ZNF331: variants seen among roughly 807,000 people sequenced by gnomAD.
The protein encoded by ZNF331 is C2H2-like zinc finger protein rearranged in thyroid adenomas.
Under a neutral mutation model 7.0 loss-of-function variants are expected in ZNF331, and 2 were observed. The ratio of observed to expected loss-of-function variants is 0.29; its 90% CI spans 0.12 to 0.90. The LOEUF (loss-of-function observed/expected upper bound fraction) is 0.90, where lower values mean the gene tolerates loss of function less well. Ranked by LOEUF, ZNF331 falls within the 40% of genes least tolerant of loss-of-function variation. The pLI is 0.58. For synonymous variants in ZNF331, 196 were observed against 205.4 expected, an observed-to-expected ratio of 0.95 and a Z score of 0.39; for missense variants, 432 against 587.7, an observed-to-expected ratio of 0.74 and a Z score of 2.74.
upstream of ZNF331, among the ~76,000 whole-genome samples, chr19:53,536,132 A>C (rs1038034793): frequency 3.9e-5 from 6 of 152,222 alleles, no homozygotes; most frequent in Admixed American, 1.3e-4. Flanking sequence ...AGATTTTTTA[A>C]GGAACTATCA....
At chr19:53,516,558 C>G (rs1435321918), upstream of ZNF331, among the ~76,000 whole-genome samples, 1 of 152,072 alleles carries the variant, frequency 6.6e-6, no homozygotes, top group Non-Finnish European at 1.5e-5. Context: ...TCTGAGTCAA[C>G]CTTTCTTGTT....
chr19:53,544,502 G>A (rs1204991672), intron 2 of ZNF331, among the ~76,000 whole-genome samples: 103 of 143,690 alleles, frequency 7.2e-4, no homozygotes, highest in Non-Finnish European at 1.4e-3. Context: ...CCGAGATCAC[G>A]CCACTGCACT....
Position 53,577,488 on chromosome 19 carries a change from C to T in ZNF331, c.928C>T (p.Arg310Ter). ...ECQECGKAFTRVNYLTQHQKI... is the reference protein window; with the variant it reads ...ECQECGKAFT ...TCAAGAATGTGGGAAGGCCTTTACT[C>T]GAGTCAATTACCTTACTCAGCATCA... The change falls in exon 6 of 6, where the codon CGA becomes TGA. Residue 310 changes from arginine (R) to a stop codon, truncating the protein, a stop_gained. Transcript: ENST00000449416. LOFTEE classifies it low-confidence loss of function (END_TRUNC). 6.2e-7 allele frequency: 1 copy of T among 1,613,836 alleles called. No homozygotes were observed. Among genetic ancestry groups the T allele is most frequent in the Non-Finnish European group, 8.5e-7 (1 of 1,179,960 alleles).
At chr19:53,564,031 CAAAAA>C (rs57538972) in intron 3 of ZNF331, among the ~76,000 whole-genome samples, 1 of 75,602 alleles carries the variant, frequency 1.3e-5, no homozygotes, top group Non-Finnish European at 2.3e-5. Flanking sequence ...GACTTCATCT[CAAAAA>C]AAAAAAAAAA....
upstream of ZNF331, chr19:53,536,503 T>G (rs1232468001): frequency 6.6e-6 from 1 of 152,252 alleles, no homozygotes; most frequent in East Asian, 1.9e-4. Context: ...TTTTCTTAAT[T>G]AATGAGTCAG....
chr19:53,562,945 G>A (rs1359199121), intron 3 of ZNF331, among the ~76,000 whole-genome samples: 3 of 151,548 alleles, frequency 2.0e-5, no homozygotes, highest in Non-Finnish European at 2.9e-5. Flanking sequence ...TCGAGATTGC[G>A]CCACTGCACT....
Position 53,539,541 on chromosome 19 carries a change from A to G in ZNF331, c.-138+259A>G, listed in dbSNP as rs2087986791. On this transcript the variant is annotated intron_variant, in intron 2 of 5. Transcript: ENST00000449416. The surrounding 1 kb of genome is among the most constrained non-coding windows in gnomAD (Gnocchi z 6.1). ...TCTGTACATCAGGAGCAACGTACATATGAAGGTAACTGGGATGGGTGTTTG... is the reference window on the plus strand; with the variant it reads ...TCTGTACATCAGGAGCAACGTACATGTGAAGGTAACTGGGATGGGTGTTTG... 1.3e-5 allele frequency: 2 copies of G among 152,220 alleles called. No homozygotes were observed. The highest frequency in any genetic ancestry group is 6.5e-5 in the Admixed American group (1 of 15,282). 9.4% of individuals were successfully genotyped at this position (152,220 alleles called of 1,614,324 possible).
At chr19:53,531,464 C>A (rs1236228705) in intron 2 of ZNF331, among the ~76,000 whole-genome samples, 1 of 152,160 alleles carries the variant, frequency 6.6e-6, no homozygotes, top group Non-Finnish European at 1.5e-5. Flanking sequence ...GAAAAATATA[C>A]CTCCTGGAGC....
At chr19:53,559,109 TACACACCATACATAC>T (rs2089638410) in intron 3 of ZNF331, among the ~76,000 whole-genome samples, 2 of 129,478 alleles carry the variant, frequency 1.5e-5, no homozygotes, top group South Asian at 3.0e-4. Flanking sequence ...GACACATATA[TACACACCATACATAC>T]ACACACACCC....
At chr19:53,559,051 A>G (rs1824644181) in intron 3 of ZNF331, among the ~76,000 whole-genome samples, 1 of 151,504 alleles carries the variant, frequency 6.6e-6, no homozygotes, top group Admixed American at 6.6e-5. Context: ...CACACCATAC[A>G]TATACAAACA....
the ZNF331 span, among the ~76,000 whole-genome samples, chr19:53,505,154 G>A: frequency 6.6e-6 from 1 of 152,126 alleles, no homozygotes; most frequent in Non-Finnish European, 1.5e-5. Context: ...CCAGGAGGGA[G>A]CAGTCTTTTT....
the ZNF331 span, among the ~76,000 whole-genome samples, chr19:53,513,163 T>C: frequency 2.0e-5 from 3 of 151,342 alleles, no homozygotes; most frequent in Non-Finnish European, 4.4e-5. Context: ...TAAAACCCTC[T>C]CAGCCGCTGA....
intron 3 of ZNF331, among the ~76,000 whole-genome samples, 193 bp downstream of exon 3, chr19:53,556,101 G>A (rs2089392825): frequency 6.6e-6 from 1 of 151,734 alleles, no homozygotes; most frequent in Non-Finnish European, 1.5e-5. Flanking sequence ...AAATTAGCCG[G>A]GAGTGGTGGT....
intron 2 of ZNF331, chr19:53,554,450 G>A (rs1245939449): frequency 6.6e-6 from 1 of 152,286 alleles, no homozygotes; most frequent in Admixed American, 6.5e-5. Flanking sequence ...TGCTGCCTGC[G>A]CGCTCCGGCC....
intron 2 of ZNF331, among the ~76,000 whole-genome samples, chr19:53,554,132 A>T (rs541483506): frequency 6.6e-6 from 1 of 152,278 alleles, no homozygotes; most frequent in South Asian, 2.1e-4. Flanking sequence ...TGAGTAGGGC[A>T]TTCGCTTCCT....
chr19:53,549,644 G>T (rs1157519237), intron 2 of ZNF331, among the ~76,000 whole-genome samples: 2 of 150,156 alleles, frequency 1.3e-5, no homozygotes, highest in African/African-American at 4.9e-5. Context: ...AAAGCCTCAT[G>T]ATTCTAACGT....
chr19:53,542,759 G>C (rs2088265929), intron 2 of ZNF331, among the ~76,000 whole-genome samples: 1 of 152,178 alleles, frequency 6.6e-6, no homozygotes, highest in African/African-American at 2.4e-5. Context: ...ATCAGACTCT[G>C]AATGTTATTT....
At chr19:53,526,798 C>A (rs951945711) in intron 2 of ZNF331, among the ~76,000 whole-genome samples, 15 of 151,694 alleles carry the variant, frequency 9.9e-5, no homozygotes, top group Non-Finnish European at 1.5e-4. Flanking sequence ...GTGATCCGCC[C>A]ACCTCGGCCT....
upstream of ZNF331, among the ~76,000 whole-genome samples, chr19:53,517,395 A>G (rs1309713141): frequency 2.6e-5 from 4 of 152,144 alleles, no homozygotes; most frequent in African/African-American, 9.7e-5. Context: ...TTCTTCCACT[A>G]TCAGTCCTCC....
Sources: allele counts gnomAD v4.1 joint callset (sites outside exome capture counted in the v4.1 genomes callset), GRCh38; gene constraint gnomAD v4.1.1; non-coding constraint Gnocchi (gnomAD v3.1); transcripts MANE v1.5; gene names NCBI Gene and HGNC (gene_info 2026-07-23, HGNC 2026-07-21).